EPYC: variants seen among roughly 807,000 people sequenced by gnomAD.
EPYC encodes dermatan sulfate proteoglycan 3.
Under a neutral mutation model 30.1 loss-of-function variants are expected in EPYC, and 28 were observed. The observed-to-expected ratio is 0.93, with a 90% CI of 0.69 to 1.28. EPYC has a LOEUF of 1.28. Among genes scored for constraint, EPYC ranks in the 50% most tolerant of loss-of-function variants. The pLI, the probability that EPYC is intolerant of heterozygous loss-of-function variation, is 0.00. For missense variants in EPYC, 382 were observed against 383.5 expected, an observed-to-expected ratio of 1.00 and a Z score of 0.03; for synonymous variants, 144 against 141.4, an observed-to-expected ratio of 1.02 and a Z score of -0.13.
chr12:90,987,939 G>T (rs1920769), intron 2 of EPYC, among the ~76,000 whole-genome samples: 134,691 of 152,104 alleles, frequency 0.89, 59,645 homozygotes, highest in South Asian at 0.95. Context: ...AATTTTGACT[G>T]AAAACCCCAA....
intron 1 of EPYC, among the ~76,000 whole-genome samples, chr12:91,004,509 T>C (rs1011325839): frequency 1.3e-5 from 2 of 152,084 alleles, no homozygotes; most frequent in African/African-American, 4.8e-5. Context: ...ACTTTCAATA[T>C]ATAGCTCAAA....
At chr12:90,994,946 A>G (rs772026857) in intron 2 of EPYC, among the ~76,000 whole-genome samples, 1 of 152,080 alleles carries the variant, frequency 6.6e-6, no homozygotes, top group Non-Finnish European at 1.5e-5. Flanking sequence ...ACTCCTCTGT[A>G]TTACCACTAC....
At chr12:90,995,411 A>C (rs1398276987) in intron 2 of EPYC, among the ~76,000 whole-genome samples, 1 of 152,078 alleles carries the variant, frequency 6.6e-6, no homozygotes, top group African/African-American at 2.4e-5. Flanking sequence ...AGAGAAAAGA[A>C]ACCTCAATAT....
chr12:90,969,440 T>C (rs1876979141), intron 6 of EPYC, among the ~76,000 whole-genome samples: 1 of 152,042 alleles, frequency 6.6e-6, no homozygotes, highest in South Asian at 2.1e-4. Context: ...TATTCATTCA[T>C]TAAACTAATC....
Position 90,974,066 on chromosome 12 carries a change from A to ACACACACG in EPYC, c.341-1087_341-1086insCGTGTGTG, listed in dbSNP as rs1555214981. On this transcript the variant is annotated intron_variant, in intron 3 of 6. Transcript: ENST00000261172. ...CACACACACACACACACACACACACACACACACCCCTACCTCTCCACCCCT... is the reference window on the plus strand; with the variant it reads ...CACACACACACACACACACACACACACACACACGCACACACCCCTACCTCTCCACCCCT... 1.9e-3 allele frequency among the ~76,000 whole-genome samples: 291 copies of ACACACACG among 150,700 alleles called. 1 individual carries two copies. Among genetic ancestry groups the ACACACACG allele is most frequent in the African/African-American group, 5.2e-3 (213 of 41,226 alleles).
chr12:90,987,293 C>G (rs1179224030), intron 2 of EPYC, among the ~76,000 whole-genome samples: 1 of 151,138 alleles, frequency 6.6e-6, no homozygotes, highest in East Asian at 1.9e-4. Flanking sequence ...TCCCCTCCGC[C>G]CAGAGACATT....
chr12:90,993,789 A>G (rs1030326469), intron 2 of EPYC, among the ~76,000 whole-genome samples: 8 of 151,704 alleles, frequency 5.3e-5, no homozygotes, highest in Non-Finnish European at 5.9e-5. Flanking sequence ...TATTGAACTA[A>G]GATTTATATT....
At chr12:90,989,301 A>G (rs960398478) in intron 2 of EPYC, among the ~76,000 whole-genome samples, 3 of 152,062 alleles carry the variant, frequency 2.0e-5, no homozygotes, top group African/African-American at 7.2e-5. Flanking sequence ...GAAATATAAT[A>G]TCACCAAATT....
intron 2 of EPYC, among the ~76,000 whole-genome samples, chr12:90,996,372 T>C (rs1877693340): frequency 6.6e-6 from 1 of 151,908 alleles, no homozygotes. Context: ...TATTATCTAT[T>C]TATTTTTTAA....
chr12:90,987,750 C>T (rs1465657614), intron 2 of EPYC, among the ~76,000 whole-genome samples: 2 of 152,128 alleles, frequency 1.3e-5, no homozygotes, highest in Non-Finnish European at 2.9e-5. Flanking sequence ...CACTCCATTG[C>T]ACAACTCTGA....
intron 2 of EPYC, among the ~76,000 whole-genome samples, chr12:91,000,135 G>C (rs1290328359): frequency 6.6e-6 from 1 of 152,020 alleles, no homozygotes; most frequent in Non-Finnish European, 1.5e-5. Context: ...TGTTAAGTAA[G>C]GGATAACTAA....
chr12:90,992,491 A>G (rs1392692364), intron 2 of EPYC, among the ~76,000 whole-genome samples: 1 of 152,204 alleles, frequency 6.6e-6, no homozygotes. Context: ...CTGAAAATAC[A>G]TGCTCACTAG....
intron 2 of EPYC, among the ~76,000 whole-genome samples, chr12:90,981,575 T>C (rs565769861): frequency 6.6e-6 from 1 of 152,152 alleles, no homozygotes; most frequent in Non-Finnish European, 1.5e-5. Flanking sequence ...TTTGATGAAA[T>C]TCATTTGCCC....
chr12:90,969,986 C>G, intron 6 of EPYC, 58 bp downstream of exon 6: 6 of 1,221,822 alleles, frequency 4.9e-6, no homozygotes, highest in Non-Finnish European at 7.3e-6. Flanking sequence ...GTCCTGATGT[C>G]CTTTTTGGCT....
intron 6 of EPYC, among the ~76,000 whole-genome samples, chr12:90,968,747 C>G (rs1336793049): frequency 1.3e-5 from 2 of 151,802 alleles, no homozygotes; most frequent in Non-Finnish European, 2.9e-5. Context: ...CAATATCACC[C>G]CAGATAATAG....
chr12:91,001,753 C>T (rs997385793), intron 2 of EPYC, among the ~76,000 whole-genome samples: 1 of 152,096 alleles, frequency 6.6e-6, no homozygotes, highest in Admixed American at 6.6e-5. Flanking sequence ...CCCAAATTTT[C>T]CACATCATTG....
chr12:90,986,893 G>A (rs9308291), intron 2 of EPYC, among the ~76,000 whole-genome samples: 134,779 of 152,212 alleles, frequency 0.89, 59,683 homozygotes, highest in South Asian at 0.95. Flanking sequence ...TCTCCCCATG[G>A]GGATAAATAC....
At chr12:90,985,614 G>A (rs1045562947) in intron 2 of EPYC, among the ~76,000 whole-genome samples, 1 of 149,960 alleles carries the variant, frequency 6.7e-6, no homozygotes, top group Non-Finnish European at 1.5e-5. Flanking sequence ...CAATCACCCA[G>A]TAGGGCTTGT....
At chr12:90,985,668 C>T (rs923163870) in intron 2 of EPYC, among the ~76,000 whole-genome samples, 7 of 151,226 alleles carry the variant, frequency 4.6e-5, no homozygotes, top group South Asian at 2.1e-4. Flanking sequence ...GATTGTCCAA[C>T]GAGAAACAAG....
Sources: allele counts gnomAD v4.1 joint callset (sites outside exome capture counted in the v4.1 genomes callset), GRCh38; gene constraint gnomAD v4.1.1; transcripts MANE v1.5; gene names NCBI Gene and HGNC (gene_info 2026-07-23, HGNC 2026-07-21).